The following NOL4 variants were observed in gnomAD, a reference collection of about 807,000 sequenced individuals.
NOL4 encodes nucleolar protein 4.
In NOL4, 17 loss-of-function variants were observed where a neutral mutation model predicts 75.9. The observed-to-expected ratio is 0.22, with a 90% CI of 0.15 to 0.34. NOL4 has a LOEUF of 0.34. Among genes scored for constraint, NOL4 ranks in the 10% least tolerant of loss-of-function variants. The probability of loss-of-function intolerance (pLI) is 1.00; values close to 1 mark genes in which losing one functional copy is unlikely to be tolerated. For synonymous variants in NOL4, 292 were observed against 289.9 expected (o/e 1.01, Z -0.07); for missense variants, 614 against 793.5 (o/e 0.77, Z 2.72).
At chr18:34,024,292 T>C (rs2075235335) in intron 5 of NOL4, among the ~76,000 whole-genome samples, 1 of 147,948 alleles carries the variant, frequency 6.8e-6, no homozygotes, top group Non-Finnish European at 1.5e-5. Flanking sequence ...TCCACAAAGA[T>C]TTTATTGTTT....
intron 1 of NOL4, among the ~76,000 whole-genome samples, chr18:34,133,853 C>A (rs867026149): frequency 2.0e-5 from 3 of 152,072 alleles, no homozygotes; most frequent in African/African-American, 7.2e-5. Context: ...GAAACCCCTT[C>A]TCTACTAAAA....
chr18:34,098,940 T>C (rs1312846465), intron 4 of NOL4, among the ~76,000 whole-genome samples: 2 of 152,162 alleles, frequency 1.3e-5, no homozygotes, highest in East Asian at 1.9e-4. Flanking sequence ...GTTTCCTAAA[T>C]TTTCCTGTGT....
At chr18:33,889,768 C>T (rs888275578) in intron 9 of NOL4, among the ~76,000 whole-genome samples, 2 of 152,264 alleles carry the variant, frequency 1.3e-5, no homozygotes, top group African/African-American at 2.4e-5. Flanking sequence ...ATCACATAAA[C>T]AAATCCAATG....
At chr18:33,866,973 T>C (rs2063458411) in intron 10 of NOL4, among the ~76,000 whole-genome samples, 1 of 152,136 alleles carries the variant, frequency 6.6e-6, no homozygotes, top group Admixed American at 6.6e-5. Context: ...AATATCACAA[T>C]TGCTTAGACC....
chr18:34,112,513 T>A (rs1284262857), intron 2 of NOL4, among the ~76,000 whole-genome samples: 1 of 152,116 alleles, frequency 6.6e-6, no homozygotes, highest in Non-Finnish European at 1.5e-5. Context: ...CATAATGAAA[T>A]ATTATTCATC....
intron 1 of NOL4, among the ~76,000 whole-genome samples, chr18:34,172,061 T>G (rs1359524315): frequency 1.3e-5 from 2 of 152,144 alleles, no homozygotes; most frequent in South Asian, 2.1e-4. Flanking sequence ...CTTGTAGTTC[T>G]GGAGGCACAG....
At chr18:33,859,972 G>C (rs1236540667) in intron 10 of NOL4, among the ~76,000 whole-genome samples, 1 of 152,038 alleles carries the variant, frequency 6.6e-6, no homozygotes, top group East Asian at 1.9e-4. Context: ...ATTTTAAAAA[G>C]GAAAGAGGTT....
In NOL4 at chr18:34,224,890, G is replaced by C. The variant is rs2037511914; in HGVS notation, c.-1637C>G. 1 of 153,172 alleles carries C rather than the reference G, an allele frequency of 6.5e-6. No individual in the cohort carries two copies. The highest frequency in any genetic ancestry group is 1.5e-5 in the Non-Finnish European group (1 of 68,700). The allele number at this position is 153,172 out of a possible 1,614,324, so 9.5% of individuals were successfully genotyped here. A position where few individuals can be genotyped will look rare whatever the true frequency, so the allele number is the denominator to read the frequency against. On this transcript the variant is annotated 5_prime_UTR_variant, in exon 1 of 11. Transcript: ENST00000261592. ...TGGAGCCGGGACTGACAGCCCGGGC[G>C]GAGCGCAGGCAGCTCCACACGCTAA...
intron 1 of NOL4, chr18:34,156,984 G>A (rs1457670462): frequency 6.6e-6 from 1 of 152,032 alleles, no homozygotes; most frequent in Non-Finnish European, 1.5e-5. Flanking sequence ...TTGAATACAG[G>A]AGGCCCTCCC....
intron 1 of NOL4, among the ~76,000 whole-genome samples, chr18:34,216,675 C>T (rs1172664035): frequency 6.0e-5 from 9 of 149,540 alleles, no homozygotes; most frequent in Non-Finnish European, 1.2e-4. Flanking sequence ...GAAATGTAAA[C>T]CAGGATCTAA....
At chr18:34,112,483 AT>A (rs2079642208) in intron 2 of NOL4, among the ~76,000 whole-genome samples, 1 of 152,144 alleles carries the variant, frequency 6.6e-6, no homozygotes, top group African/African-American at 2.4e-5. Flanking sequence ...ATACATATAT[AT>A]TTCATGTCAC....
chr18:34,105,288 C>T, intron 2 of NOL4, 128 bp from the exon 3 acceptor site: 1 of 603,746 alleles, frequency 1.7e-6, no homozygotes, highest in Non-Finnish European at 3.0e-6. Context: ...TGAAAGCATG[C>T]ATTGCATACC....
intron 9 of NOL4, among the ~76,000 whole-genome samples, chr18:33,915,337 G>C (rs2145192612): frequency 6.6e-6 from 1 of 152,216 alleles, no homozygotes; most frequent in East Asian, 1.9e-4. Flanking sequence ...CATTTTTAAG[G>C]ACTACTGTTG....
chr18:34,004,822 A>T (rs1257385669), intron 6 of NOL4, among the ~76,000 whole-genome samples: 3 of 152,034 alleles, frequency 2.0e-5, no homozygotes, highest in Non-Finnish European at 2.9e-5. Context: ...TCCTCCTCTC[A>T]ATAAAATGAA....
At chr18:34,209,866 T>C (rs2036394242) in intron 1 of NOL4, among the ~76,000 whole-genome samples, 2 of 152,208 alleles carry the variant, frequency 1.3e-5, no homozygotes, top group Non-Finnish European at 2.9e-5. Flanking sequence ...CAGGCTCTTA[T>C]GGATATAAAT....
intron 9 of NOL4, among the ~76,000 whole-genome samples, chr18:33,929,186 A>G (rs1214809151): frequency 1.3e-5 from 2 of 152,178 alleles, no homozygotes; most frequent in Non-Finnish European, 2.9e-5. Context: ...ACATAAGGAC[A>G]TAGAAGACCC....
chr18:34,042,841 T>G (rs2076198807), intron 5 of NOL4, among the ~76,000 whole-genome samples: 1 of 152,110 alleles, frequency 6.6e-6, no homozygotes, highest in African/African-American at 2.4e-5. Flanking sequence ...CTAATCTTCA[T>G]CATGACATTT....
At chr18:33,986,646 T>C (rs369591538) in intron 6 of NOL4, among the ~76,000 whole-genome samples, 2 of 152,228 alleles carry the variant, frequency 1.3e-5, no homozygotes, top group East Asian at 3.9e-4. Flanking sequence ...GGGACTACTG[T>C]AGAGTCACTG....
At chr18:34,169,198 A>G (rs1279640745) in intron 1 of NOL4, among the ~76,000 whole-genome samples, 1 of 151,984 alleles carries the variant, frequency 6.6e-6, no homozygotes, top group African/African-American at 2.4e-5. Flanking sequence ...TTTAAATATA[A>G]TTGATATCTG....
Sources: gnomAD v4.1 joint callset for allele counts (sites outside exome capture counted in the v4.1 genomes callset) on GRCh38, gnomAD v4.1.1 for gene constraint, MANE v1.5 for transcripts, NCBI Gene and HGNC (gene_info 2026-07-23, HGNC 2026-07-21) for gene names.